Variants in ADGRB3 observed in about 807,000 individuals in gnomAD.
The protein encoded by ADGRB3 is brain-specific angiogenesis inhibitor 3.
ADGRB3 carries 37 observed loss-of-function variants against 193.4 expected under a neutral mutation model. The observed-to-expected ratio is 0.19, with a 90% CI of 0.15 to 0.25. The LOEUF is 0.25. ADGRB3 is among the 10% of genes least tolerant of loss of function. ADGRB3 has a pLI of 1.00. For missense variants in ADGRB3, 1,637 were observed against 1,852.9 expected (o/e 0.88, Z 2.14); for synonymous variants, 690 against 644.2 (o/e 1.07, Z -1.08).
intron 17 of ADGRB3, among the ~76,000 whole-genome samples, chr6:69,141,043 A>T (rs982008526): frequency 7.3e-5 from 11 of 151,702 alleles, no homozygotes; most frequent in Non-Finnish European, 1.2e-4. Context: ...ATATTTGGAT[A>T]GTAAATGCTA....
chr6:69,027,955 G>C (rs1770486286), intron 13 of ADGRB3, among the ~76,000 whole-genome samples: 1 of 152,168 alleles, frequency 6.6e-6, no homozygotes, highest in Admixed American at 6.5e-5. Context: ...ATTCAAAGCA[G>C]TCTTATTTTG....
At chr6:68,924,851 A>G (rs959495654) in intron 3 of ADGRB3, among the ~76,000 whole-genome samples, 5 of 151,894 alleles carry the variant, frequency 3.3e-5, no homozygotes, top group African/African-American at 9.7e-5. Flanking sequence ...TTAATGATAT[A>G]TTTATCAGAT....
intron 3 of ADGRB3, among the ~76,000 whole-genome samples, chr6:68,917,754 T>G (rs1292447173): frequency 6.6e-6 from 1 of 152,208 alleles, no homozygotes; most frequent in Non-Finnish European, 1.5e-5. Context: ...TCTGAGCACC[T>G]TTCTTTGCAC....
intron 3 of ADGRB3, among the ~76,000 whole-genome samples, chr6:68,761,339 C>T (rs1766391292): frequency 6.6e-6 from 1 of 151,798 alleles, no homozygotes; most frequent in South Asian, 2.1e-4. Flanking sequence ...CTTTATTTGT[C>T]CCTTTCTTTT....
At chr6:68,828,510 A>G (rs1767891784) in intron 3 of ADGRB3, among the ~76,000 whole-genome samples, 1 of 152,176 alleles carries the variant, frequency 6.6e-6, no homozygotes, top group African/African-American at 2.4e-5. Context: ...CTGGTCTCTA[A>G]AAGTGTTTAG....
intron 17 of ADGRB3, among the ~76,000 whole-genome samples, chr6:69,171,290 T>C (rs1419543096): frequency 6.6e-6 from 1 of 152,174 alleles, no homozygotes; most frequent in Non-Finnish European, 1.5e-5. Flanking sequence ...TGGATTTTAG[T>C]TGATAAGAAC....
chr6:69,364,782 T>G (rs529694165), intron 29 of ADGRB3, among the ~76,000 whole-genome samples: 97 of 152,230 alleles, frequency 6.4e-4, no homozygotes, highest in Non-Finnish European at 1.1e-3. Flanking sequence ...ACTTTAGTCA[T>G]TTACCTTCAA....
chr6:68,915,070 A>G (rs1766837700), intron 3 of ADGRB3, among the ~76,000 whole-genome samples: 1 of 152,198 alleles, frequency 6.6e-6, no homozygotes, highest in South Asian at 2.1e-4. Flanking sequence ...AGTAAAGGAT[A>G]CAAAGGACAT....
At chr6:68,656,961 T>G (rs926888575) in intron 3 of ADGRB3, among the ~76,000 whole-genome samples, 1 of 151,572 alleles carries the variant, frequency 6.6e-6, no homozygotes, top group Non-Finnish European at 1.5e-5. Context: ...GGAAGTTCTC[T>G]TAATTCAGGT....
chr6:69,271,199 C>T (rs1018826883), intron 20 of ADGRB3, among the ~76,000 whole-genome samples: 2 of 152,106 alleles, frequency 1.3e-5, no homozygotes, highest in Non-Finnish European at 2.9e-5. Flanking sequence ...GCACAGTTAA[C>T]ATGGTTTTCA....
intron 3 of ADGRB3, among the ~76,000 whole-genome samples, chr6:68,789,047 T>G (rs1767041670): frequency 6.6e-6 from 1 of 152,098 alleles, no homozygotes; most frequent in Admixed American, 6.6e-5. Context: ...CCTATGTGTG[T>G]CTCTGCACGT....
chr6:69,075,868 G>A, intron 16 of ADGRB3, 127 bp from the exon 17 acceptor site: 1 of 693,164 alleles, frequency 1.4e-6, no homozygotes, highest in South Asian at 2.0e-5. Context: ...TAATTAAAAA[G>A]AAATCATTAA....
At chr6:68,990,980 A>G (rs1769221398) in intron 10 of ADGRB3, among the ~76,000 whole-genome samples, 1 of 152,054 alleles carries the variant, frequency 6.6e-6, no homozygotes, top group African/African-American at 2.4e-5. Context: ...TTCTCTTCAA[A>G]ACTTTCCTCA....
Position 69,209,888 on chromosome 6 carries a change from A to G in ADGRB3, c.2481-23402A>G, listed in dbSNP as rs191912817. On this transcript the variant is annotated intron_variant, in intron 17 of 31. Transcript: ENST00000370598. Reference sequence around the variant, plus strand: ...ATTTATTTTGCATAACTCTCTAAACAGTTCATGCCAAGGACTATCAGTGTT... The same window carrying G: ...ATTTATTTTGCATAACTCTCTAAACGGTTCATGCCAAGGACTATCAGTGTT... Among the ~76,000 whole-genome samples, 183 of 152,082 alleles carry G rather than the reference A, an allele frequency of 1.2e-3. 2 individuals carry two copies. In the South Asian group the frequency reaches 0.03, roughly 25 times the overall value.
At chr6:69,303,702 G>A (rs4602695) in intron 20 of ADGRB3, among the ~76,000 whole-genome samples, 47,947 of 151,668 alleles carry the variant, frequency 0.32, 7,877 homozygotes, top group Middle Eastern at 0.38. Flanking sequence ...TTTACTCTAT[G>A]TCTTCTCTCC....
At chr6:69,223,796 A>G (rs1240821067) in intron 17 of ADGRB3, among the ~76,000 whole-genome samples, 1 of 151,492 alleles carries the variant, frequency 6.6e-6, no homozygotes, top group East Asian at 2.0e-4. Flanking sequence ...AGTTGGGAGT[A>G]CAGGCAGGCA....
At chr6:68,750,838 A>C (rs1582171334) in intron 3 of ADGRB3, among the ~76,000 whole-genome samples, 2 of 152,330 alleles carry the variant, frequency 1.3e-5, no homozygotes, top group East Asian at 3.9e-4. Flanking sequence ...TTAGCCTTTA[A>C]TTCCTAAACA....
chr6:69,153,663 C>G (rs1265760175), intron 17 of ADGRB3, among the ~76,000 whole-genome samples: 1 of 152,116 alleles, frequency 6.6e-6, no homozygotes, highest in Non-Finnish European at 1.5e-5. Flanking sequence ...CCTCTGAAAC[C>G]TCTTCCCCCT....
intron 20 of ADGRB3, among the ~76,000 whole-genome samples, chr6:69,277,222 T>G (rs920510150): frequency 3.3e-5 from 5 of 152,086 alleles, no homozygotes; most frequent in Non-Finnish European, 7.4e-5. Flanking sequence ...CTTGAACTCC[T>G]GACCTTGTGA....
Sources: allele counts gnomAD v4.1 joint callset (sites outside exome capture counted in the v4.1 genomes callset), GRCh38; gene constraint gnomAD v4.1.1; transcripts MANE v1.5; gene names NCBI Gene and HGNC (gene_info 2026-07-23, HGNC 2026-07-21).